Variants in PTPRN2 observed in about 807,000 individuals in gnomAD.
PTPRN2 encodes receptor-type tyrosine-protein phosphatase N2.
PTPRN2 carries 74 observed loss-of-function variants against 118.8 expected under a neutral mutation model. That is an observed-to-expected ratio of 0.62 (90% confidence interval 0.52 to 0.76). The LOEUF (loss-of-function observed/expected upper bound fraction) is 0.76, where lower values mean the gene tolerates loss of function less well. Among genes scored for constraint, PTPRN2 ranks in the 30% least tolerant of loss-of-function variants. The pLI is 0.00. For missense variants in PTPRN2, 1,481 were observed against 1,394.4 expected, an observed-to-expected ratio of 1.06 and a Z score of -0.99; for synonymous variants, 641 against 608.0, an observed-to-expected ratio of 1.05 and a Z score of -0.80.
intron 2 of PTPRN2, among the ~76,000 whole-genome samples, chr7:158,337,588 G>A (rs1311399631): frequency 3.0e-5 from 4 of 134,878 alleles, no homozygotes; most frequent in South Asian, 2.4e-4. Context: ...ACCTGCAGAC[G>A]TCACTCACAC....
chr7:158,281,680 T>C (rs1283214783), intron 3 of PTPRN2, among the ~76,000 whole-genome samples: 1 of 152,062 alleles, frequency 6.6e-6, no homozygotes, highest in Admixed American at 6.5e-5. Flanking sequence ...CTGGGGCCCT[T>C]TGCATTGGTG....
At chr7:157,970,413 T>TC (rs1802237444) in intron 11 of PTPRN2, among the ~76,000 whole-genome samples, 1 of 152,024 alleles carries the variant, frequency 6.6e-6, no homozygotes, top group Non-Finnish European at 1.5e-5. Context: ...GAGGTGACAA[T>TC]CCCAGGGGAA....
intron 11 of PTPRN2, among the ~76,000 whole-genome samples, chr7:158,072,037 G>T (rs1451919113): frequency 2.1e-4 from 31 of 145,222 alleles, no homozygotes; most frequent in African/African-American, 6.9e-4. Flanking sequence ...TGGTGGAGGT[G>T]CTCGTGGTGG....
At chr7:157,612,970 C>T (rs2150605489) in intron 15 of PTPRN2, among the ~76,000 whole-genome samples, 1 of 152,246 alleles carries the variant, frequency 6.6e-6, no homozygotes, top group East Asian at 1.9e-4. Flanking sequence ...CGTGAAGACA[C>T]AGCAGCTCCG....
rs1243377150 is a variant in PTPRN2, at chr7:157,861,788, G to A, written c.1788+36885C>T. Among the ~76,000 whole-genome samples, 2 of 152,226 alleles carry A rather than the reference G, an allele frequency of 1.3e-5. No homozygotes were observed. Among genetic ancestry groups the A allele is most frequent in the Non-Finnish European group, 2.9e-5 (2 of 68,048 alleles). ...CGCTTCCCTCCTGCCTCCGAGCCAC[G>A]CAGACGGCTTCCCTCTGCATGCCGG... On this transcript the variant is annotated intron_variant, in intron 12 of 22. Coordinates refer to ENST00000389418, the MANE Select transcript of PTPRN2 (RefSeq NM_002847.5). This position sits in a 1 kb window ranked among gnomAD's most constrained non-coding sequence, Gnocchi z 5.8.
chr7:158,575,547 G>A (rs1344786170), intron 1 of PTPRN2, among the ~76,000 whole-genome samples: 2 of 152,126 alleles, frequency 1.3e-5, no homozygotes, highest in East Asian at 3.8e-4. Flanking sequence ...TACATTTTTT[G>A]TAGAGATAGA....
chr7:158,508,073 A>G (rs1227355736), intron 1 of PTPRN2, among the ~76,000 whole-genome samples: 1 of 151,762 alleles, frequency 6.6e-6, no homozygotes, highest in African/African-American at 2.4e-5. Flanking sequence ...AGTGAGGAAC[A>G]TCCAGGGGAC....
intron 12 of PTPRN2, among the ~76,000 whole-genome samples, chr7:157,752,090 C>T (rs1364932463): frequency 6.6e-6 from 1 of 152,176 alleles, no homozygotes; most frequent in Non-Finnish European, 1.5e-5. Flanking sequence ...CGAGCTCCTG[C>T]ACCCCAAACC....
rs200112774 is a variant in PTPRN2 at position 158,149,184 on chromosome 7, C to T, written c.911-10669G>A. 1.1e-3 allele frequency among the ~76,000 whole-genome samples: 160 copies of T among 151,214 alleles called. 1 individual carries two copies. In the East Asian group the frequency reaches 0.016, roughly 15 times the overall value. ...TGACACCCCATCTCACGCCACACGTCTTTCCTCCTCAAGTGCACGAGTGTC... is the reference window on the plus strand; with the variant it reads ...TGACACCCCATCTCACGCCACACGTTTTTCCTCCTCAAGTGCACGAGTGTC... On this transcript the variant is annotated intron_variant, in intron 6 of 22. Coordinates refer to ENST00000389418, the MANE Select transcript of PTPRN2 (RefSeq NM_002847.5).
chr7:157,828,980 AG>A lies in PTPRN2; in HGVS notation c.1788+69692del, dbSNP rs147307401. 8.4e-3 allele frequency among the ~76,000 whole-genome samples: 1,278 copies of A among 152,344 alleles called. 11 individuals carry two copies. The highest frequency in any genetic ancestry group is 0.029 in the African/African-American group (1,216 of 41,578). ...GCATCATGGTTTTTATAATTTTCTA[AG>A]GGAAATTGATGACATCCCCATCTTA... On this transcript the variant is annotated intron_variant, in intron 12 of 22. Coordinates refer to ENST00000389418, the MANE Select transcript of PTPRN2 (RefSeq NM_002847.5).
chr7:158,168,258 G>A (rs1431698096), intron 5 of PTPRN2, among the ~76,000 whole-genome samples: 1 of 152,196 alleles, frequency 6.6e-6, no homozygotes, highest in Non-Finnish European at 1.5e-5. Flanking sequence ...TGCACCTGGA[G>A]CCTCCAACTC....
At chr7:158,340,788 C>G (rs1316357935) in intron 2 of PTPRN2, among the ~76,000 whole-genome samples, 1 of 81,004 alleles carries the variant, frequency 1.2e-5, no homozygotes, top group Non-Finnish European at 2.6e-5. Flanking sequence ...ATTGGTGACA[C>G]CTGCAGACGT....
At chr7:158,079,862 G>A (rs1400121839) in intron 11 of PTPRN2, among the ~76,000 whole-genome samples, 1 of 152,210 alleles carries the variant, frequency 6.6e-6, no homozygotes, top group African/African-American at 2.4e-5. Context: ...CAGCTGGAGT[G>A]AGGATGCTGG....
At chr7:157,621,744 C>T (rs548954505) in intron 14 of PTPRN2, among the ~76,000 whole-genome samples, 13 of 151,982 alleles carry the variant, frequency 8.6e-5, no homozygotes, top group Admixed American at 3.3e-4. Context: ...ATATAAACTC[C>T]GGTGTTTGGG....
At chr7:158,288,772 C>A (rs1586139193) in intron 3 of PTPRN2, among the ~76,000 whole-genome samples, 1 of 152,284 alleles carries the variant, frequency 6.6e-6, no homozygotes, top group Non-Finnish European at 1.5e-5. Flanking sequence ...TCAGTGAGTT[C>A]TATACTTTTG....
intron 5 of PTPRN2, among the ~76,000 whole-genome samples, chr7:158,180,231 T>A (rs1824581357): frequency 6.6e-6 from 1 of 152,270 alleles, no homozygotes; most frequent in South Asian, 2.1e-4. Context: ...ATCAAACAGG[T>A]GTCCTTTCCC....
At position 157,591,199 on chromosome 7, in the gene PTPRN2, G is replaced by A. The variant is rs1434817952; in HGVS notation, c.2496+4039C>T. On this transcript the variant is annotated intron_variant, in intron 17 of 22. Coordinates refer to ENST00000389418, the MANE Select transcript of PTPRN2 (RefSeq NM_002847.5). The surrounding 1 kb of genome is among the most constrained non-coding windows in gnomAD (Gnocchi z 4.4). Reference sequence around the variant, plus strand: ...GGACACTTCGAATCCCCCAAGGAGTGCACGGGCCTGGGGCAGACACGGCCA... The same window carrying A: ...GGACACTTCGAATCCCCCAAGGAGTACACGGGCCTGGGGCAGACACGGCCA... Among the ~76,000 whole-genome samples the A allele has an allele frequency of 1.3e-5, 2 of 152,170 alleles. No individual in the cohort carries two copies. The highest frequency in any genetic ancestry group is 1.9e-4 in the East Asian group (1 of 5,176).
At chr7:157,936,891 G>A (rs1344568764) in intron 11 of PTPRN2, among the ~76,000 whole-genome samples, 1 of 152,246 alleles carries the variant, frequency 6.6e-6, no homozygotes, top group Admixed American at 6.5e-5. Context: ...CCTCTCCCCT[G>A]TCTTTCCGCC....
At chr7:158,353,928 G>A (rs1212615074) in intron 2 of PTPRN2, among the ~76,000 whole-genome samples, 1 of 152,172 alleles carries the variant, frequency 6.6e-6, no homozygotes, top group Non-Finnish European at 1.5e-5. Flanking sequence ...GACAAAGGTG[G>A]GGGTGGGGCT....
Sources: gnomAD v4.1 joint callset for allele counts (sites outside exome capture counted in the v4.1 genomes callset) on GRCh38, gnomAD v4.1.1 for gene constraint, Gnocchi (gnomAD v3.1) non-coding constraint, MANE v1.5 for transcripts, NCBI Gene and HGNC (gene_info 2026-07-23, HGNC 2026-07-21) for gene names.